The following KLHL3 variants were observed in gnomAD, a reference collection of about 807,000 sequenced individuals.
KLHL3 encodes the protein kelch like family member 3.
Under a neutral mutation model 70.5 loss-of-function variants are expected in KLHL3, and 19 were observed. That is an observed-to-expected ratio of 0.27 (90% CI 0.19 to 0.40). KLHL3 has a LOEUF of 0.40. Ranked by LOEUF, KLHL3 falls within the 10% of genes least tolerant of loss-of-function variation. The pLI, the probability that KLHL3 is intolerant of heterozygous loss-of-function variation, is 1.00. For synonymous variants in KLHL3, 258 were observed against 290.3 expected (o/e 0.89, Z 1.13); for missense variants, 512 against 771.1 (o/e 0.66, Z 3.98).
At position 137,627,480 on chromosome 5, in the gene KLHL3, C is replaced by CA. The variant is rs1561580734; in HGVS notation, c.1591+816_1591+817insT. Among the ~76,000 whole-genome samples, 24 of 122,702 alleles carry CA rather than the reference C, an allele frequency of 2.0e-4. 2 individuals carry two copies. The highest frequency in any genetic ancestry group is 3.0e-4 in the East Asian group (1 of 3,370). 80.5% of individuals were successfully genotyped at this position (122,702 alleles called of 152,430 possible). The stretch of plus-strand genomic sequence containing the variant: ...GAGTAAATTAGTAAATATCACCACC[C>CA]CCCCCCCCGGTTTACACTTCCAAGT... On this transcript the variant is annotated intron_variant, in intron 13 of 14. Transcript: ENST00000309755.
chr5:137,677,456 A>C, intron 6 of KLHL3, 89 bp downstream of exon 6: 1 of 762,408 alleles, frequency 1.3e-6, no homozygotes, highest in Non-Finnish European at 2.2e-6. Flanking sequence ...TCAAAAAAAA[A>C]GAAAAGAAAA....
Position 137,617,683 on chromosome 5 carries a change from C to G in KLHL3, c.*4415G>C, listed in dbSNP as rs1756262286. 1 of 152,242 alleles carries G rather than the reference C, an allele frequency of 6.6e-6. No homozygotes were observed. The highest frequency in any genetic ancestry group is 2.4e-5 in the African/African-American group (1 of 41,440). 9.4% of individuals were successfully genotyped at this position (152,242 alleles called of 1,614,324 possible). The stretch of plus-strand genomic sequence containing the variant: ...ACGCAGAGAACACCAGATCGAGGAT[C>G]TTACCTATGCAATATGTTGTACGGG... On this transcript the variant is annotated 3_prime_UTR_variant, in exon 15 of 15. Transcript: ENST00000309755.
chr5:137,713,153 C>CAAAAAAAAAAAAAAAAA (rs958291877), intron 2 of KLHL3, among the ~76,000 whole-genome samples: 1 of 38,440 alleles, frequency 2.6e-5, no homozygotes, highest in Non-Finnish European at 5.4e-5. Flanking sequence ...GAATAACCAG[C>CAAAAAAAAAAAAAAAAA]AAAAAAAAAA....
chr5:137,716,577 C>T (rs1248138220), intron 2 of KLHL3, among the ~76,000 whole-genome samples: 1 of 152,062 alleles, frequency 6.6e-6, no homozygotes, highest in Non-Finnish European at 1.5e-5. Context: ...TAGAAGGAGC[C>T]ATGAATATTT....
intron 1 of KLHL3, among the ~76,000 whole-genome samples, chr5:137,730,752 A>C (rs1753160559): frequency 6.6e-6 from 1 of 152,182 alleles, no homozygotes; most frequent in African/African-American, 2.4e-5. Context: ...AGCCAAGCTT[A>C]TGTTTGGTTT....
Position 137,639,058 on chromosome 5 carries a change from C to A in KLHL3, c.1114G>T (p.Asp372Tyr). The A allele has an allele frequency of 6.2e-7, 1 of 1,614,160 alleles. No individual in the cohort carries two copies. Among genetic ancestry groups the A allele is most frequent in the Non-Finnish European group, 8.5e-7 (1 of 1,180,018 alleles). Residue 372 changes from aspartate (D) to tyrosine (Y), a missense_variant, in exon 10 of 15, where the codon GAC becomes TAC. By Grantham distance (160) the Asp-to-Tyr change is radical (BLOSUM62 -3). Coordinates refer to ENST00000309755, the MANE Select transcript of KLHL3 (RefSeq NM_017415.3). The surrounding 1 kb of genome is among the most constrained non-coding windows in gnomAD (Gnocchi z 5.0). ...ATGCTGGCAATGGACGTCCACTGGT[C>A]CTTCACGCCGTCATACACATCCACT... Reference protein sequence around the residue: ...RTVDVYDGVKDQWTSIASMQE... With the variant: ...RTVDVYDGVKYQWTSIASMQE...
At chr5:137,706,489 T>C (rs878909185) in intron 3 of KLHL3, 1 of 503,378 alleles carries the variant, frequency 2.0e-6, no homozygotes, top group Non-Finnish European at 2.6e-6. Context: ...TTTAGATCAA[T>C]GCGGCACATG....
At chr5:137,695,406 TTGACTC>T (rs1367080425) in intron 4 of KLHL3, among the ~76,000 whole-genome samples, 2 of 152,156 alleles carry the variant, frequency 1.3e-5, no homozygotes, top group African/African-American at 4.8e-5. Context: ...TTCCCTCTCT[TTGACTC>T]TGAGACTAGC....
intron 5 of KLHL3, among the ~76,000 whole-genome samples, chr5:137,690,647 A>T (rs1752296618): frequency 1.3e-5 from 2 of 152,210 alleles, no homozygotes; most frequent in Non-Finnish European, 2.9e-5. Flanking sequence ...GTGCCTTCAG[A>T]AACAGGCTGC....
At position 137,627,482 on chromosome 5, in the gene KLHL3, C is replaced by A. The variant is rs1021051206; in HGVS notation, c.1591+815G>T. On this transcript the variant is annotated intron_variant, in intron 13 of 14. Transcript: ENST00000309755. ...GTAAATTAGTAAATATCACCACCCC[C>A]CCCCCCGGTTTACACTTCCAAGTCA... 2.1e-4 allele frequency among the ~76,000 whole-genome samples: 27 copies of A among 125,944 alleles called. 5 individuals are homozygous for A. The highest frequency in any genetic ancestry group is 7.0e-4 in the Admixed American group (9 of 12,896). The allele number at this position is 125,944 out of a possible 152,430, so 82.6% of individuals were successfully genotyped here.
At chr5:137,626,114 T>C (rs946662816) in intron 13 of KLHL3, among the ~76,000 whole-genome samples, 3 of 152,126 alleles carry the variant, frequency 2.0e-5, no homozygotes, top group African/African-American at 7.2e-5. Flanking sequence ...CAGGATCATT[T>C]CTCTGACCAG....
chr5:137,697,890 C>T (rs1412009990), intron 4 of KLHL3, among the ~76,000 whole-genome samples: 2 of 152,236 alleles, frequency 1.3e-5, no homozygotes, highest in African/African-American at 4.8e-5. Context: ...TTACTTTGCA[C>T]TTACTGTTAG....
chr5:137,720,774 G>A lies in KLHL3; in HGVS notation c.15-190C>T. ...CTTCCAAAGCAAAGTGCATTCCTCT[G>A]AAGGAAGGCAGGTCATAGCTCAGCT... On this transcript the variant is annotated intron_variant, in intron 1 of 14. Transcript: ENST00000309755. The A allele has an allele frequency of 3.5e-6, 5 of 1,415,888 alleles. No homozygotes were observed. The South Asian group carries it at 6.0e-5, about 17-fold the overall frequency. The allele number at this position is 1,415,888 out of a possible 1,614,324, so 87.7% of individuals were successfully genotyped here.
chr5:137,680,223 T>TTTTTG (rs762379932), intron 5 of KLHL3, among the ~76,000 whole-genome samples: 183 of 152,286 alleles, frequency 1.2e-3, no homozygotes, highest in Non-Finnish European at 1.9e-3. Context: ...TATTTGGGGT[T>TTTTTG]TTTTGTTTTG....
In KLHL3 at chr5:137,621,879, C is replaced by T. The variant is rs555179725; in HGVS notation, c.*219G>A. 4.9e-4 allele frequency: 294 copies of T among 595,020 alleles called. No individual in the cohort carries two copies. The African/African-American group carries it at 5.2e-3, about 10-fold the overall frequency. 36.9% of individuals were successfully genotyped at this position (595,020 alleles called of 1,614,324 possible). On this transcript the variant is annotated 3_prime_UTR_variant, in exon 15 of 15. Transcript: ENST00000309755. ...GCTGCCTGGGGATGTCAAGACCCCC[C>T]TTGCTCAGGGCATAGGCCAGAGCAC...
In KLHL3 at chr5:137,639,806, C is replaced by G. The variant is rs1044384855; in HGVS notation, c.1021+54G>C. Reference sequence around the variant, plus strand: ...AAGGAGTAGCTCACGACTTCTGGCACGGAGTGGGGACCAGCAGGGGAAAAA... The same window carrying G: ...AAGGAGTAGCTCACGACTTCTGGCAGGGAGTGGGGACCAGCAGGGGAAAAA... On this transcript the variant is annotated intron_variant, in intron 9 of 14. Coordinates refer to ENST00000309755, the MANE Select transcript of KLHL3 (RefSeq NM_017415.3). The surrounding 1 kb of genome is among the most constrained non-coding windows in gnomAD (Gnocchi z 5.0). 8.2e-6 allele frequency: 11 copies of G among 1,347,714 alleles called. No individual in the cohort carries two copies. The highest frequency in any genetic ancestry group is 1.2e-5 in the Non-Finnish European group (11 of 938,336). 83.5% of individuals were successfully genotyped at this position (1,347,714 alleles called of 1,614,324 possible).
intron 5 of KLHL3, among the ~76,000 whole-genome samples, chr5:137,678,225 T>A (rs192658999): frequency 1.3e-3 from 192 of 152,220 alleles, no homozygotes; most frequent in Middle Eastern, 0.01. Flanking sequence ...CCAGGTATAG[T>A]GGCAACAAGG....
At chr5:137,708,712 A>T (rs1752731273) in intron 3 of KLHL3, among the ~76,000 whole-genome samples, 1 of 152,210 alleles carries the variant, frequency 6.6e-6, no homozygotes, top group South Asian at 2.1e-4. Context: ...AAGTCAAGTT[A>T]TAGGATAGAG....
At chr5:137,641,619 A>C (rs1750916010) in intron 8 of KLHL3, among the ~76,000 whole-genome samples, 1 of 152,206 alleles carries the variant, frequency 6.6e-6, no homozygotes, top group Non-Finnish European at 1.5e-5. Context: ...CACATCCCTC[A>C]AGTGAACACT....
Sources: gnomAD v4.1 joint callset for allele counts (sites outside exome capture counted in the v4.1 genomes callset) on GRCh38, gnomAD v4.1.1 for gene constraint, Gnocchi (gnomAD v3.1) non-coding constraint, MANE v1.5 for transcripts, NCBI Gene and HGNC (gene_info 2026-07-23, HGNC 2026-07-21) for gene names.